TRAK2: variants seen among roughly 807,000 people sequenced by gnomAD.
The protein encoded by TRAK2 is trafficking kinesin protein 2.
Under a neutral mutation model 104.6 loss-of-function variants are expected in TRAK2, and 81 were observed. That is an observed-to-expected ratio of 0.77 (90% CI 0.65 to 0.93). TRAK2 has a LOEUF of 0.93. TRAK2 is among the 40% of genes least tolerant of loss of function. TRAK2 has a pLI of 0.00. For missense variants in TRAK2, 1,002 were observed against 1,089.0 expected, an observed-to-expected ratio of 0.92 and a Z score of 1.12; for synonymous variants, 406 against 394.4, an observed-to-expected ratio of 1.03 and a Z score of -0.35.
At chr2:201,430,719 C>A (rs1483770908) in intron 1 of TRAK2, among the ~76,000 whole-genome samples, 1 of 152,176 alleles carries the variant, frequency 6.6e-6, no homozygotes, top group African/African-American at 2.4e-5. Flanking sequence ...TTTCCAGGTA[C>A]CGTCTGTCAT....
At chr2:201,383,504 G>A (rs1576503110) in intron 15 of TRAK2, among the ~76,000 whole-genome samples, 1 of 152,104 alleles carries the variant, frequency 6.6e-6, no homozygotes, top group East Asian at 1.9e-4. Context: ...CTAATACTTG[G>A]GTGAACTTCC....
At chr2:201,384,608 G>A (rs1180563524) in intron 14 of TRAK2, among the ~76,000 whole-genome samples, 1 of 152,154 alleles carries the variant, frequency 6.6e-6, no homozygotes, top group Admixed American at 6.5e-5. Flanking sequence ...TAAGACAGAG[G>A]CCTTTTCTTT....
chr2:201,436,201 G>C (rs1026858985), intron 1 of TRAK2, among the ~76,000 whole-genome samples: 7 of 152,004 alleles, frequency 4.6e-5, no homozygotes, highest in Non-Finnish European at 1.0e-4. Context: ...AGAGTAAATG[G>C]CATCATAGAA....
At chr2:201,411,171 T>C in intron 2 of TRAK2, 1 of 745,716 alleles carries the variant, frequency 1.3e-6, no homozygotes, top group Non-Finnish European at 2.4e-6. Flanking sequence ...CATCAATGTG[T>C]CTGTCAAGTC....
chr2:201,450,785 T>C (rs1197927801), intron 1 of TRAK2, among the ~76,000 whole-genome samples: 1 of 152,182 alleles, frequency 6.6e-6, no homozygotes, highest in African/African-American at 2.4e-5. Flanking sequence ...CGCAGATTTT[T>C]TTTTAAGTTG....
Position 201,395,453 on chromosome 2 carries a change from C to T in TRAK2, c.770-9G>A. The T allele has an allele frequency of 4.7e-6, 7 of 1,497,916 alleles. No individual in the cohort carries two copies. The highest frequency in any genetic ancestry group is 6.3e-6 in the Non-Finnish European group (7 of 1,112,124). The allele number at this position is 1,497,916 out of a possible 1,614,324, so 92.8% of individuals were successfully genotyped here. On this transcript the variant is annotated splice_polypyrimidine_tract_variant and intron_variant, in intron 7 of 15. Coordinates refer to ENST00000332624, the MANE Select transcript of TRAK2 (RefSeq NM_015049.3). ...CTGAGCATTTGTTTCACCTTGGAAG[C>T]AAAAAAAATTTTTTTAAATTAATAC...
At chr2:201,434,583 TATAAAGA>T (rs1951868233) in intron 1 of TRAK2, among the ~76,000 whole-genome samples, 1 of 152,176 alleles carries the variant, frequency 6.6e-6, no homozygotes, top group East Asian at 1.9e-4. Context: ...TATAAGACCA[TATAAAGA>T]CTTTCTGTCC....
intron 1 of TRAK2, among the ~76,000 whole-genome samples, chr2:201,429,176 T>C (rs987895951): frequency 2.6e-5 from 4 of 152,264 alleles, no homozygotes; most frequent in African/African-American, 4.8e-5. Context: ...TCTTGCCTGA[T>C]TGCCCTAGCC....
intron 2 of TRAK2, among the ~76,000 whole-genome samples, chr2:201,417,882 C>T (rs1951707316): frequency 6.6e-6 from 1 of 151,970 alleles, no homozygotes; most frequent in Admixed American, 6.6e-5. Context: ...ATATGGTCAA[C>T]ATTAAAAAAA....
chr2:201,409,862 C>A (rs1478492984), intron 2 of TRAK2, among the ~76,000 whole-genome samples: 2 of 152,298 alleles, frequency 1.3e-5, no homozygotes, highest in South Asian at 2.1e-4. Flanking sequence ...AATAGATGAG[C>A]TTGCAATGAC....
chr2:201,379,538 A>G lies in TRAK2; in HGVS notation c.*1005T>C, dbSNP rs1360861127. ...GTCATCTTTCATTAAAAATATGCAT[A>G]GCGCACTTTGGAAAAAGTTGGTTTA... On this transcript the variant is annotated 3_prime_UTR_variant, in exon 16 of 16. Coordinates refer to ENST00000332624, the MANE Select transcript of TRAK2 (RefSeq NM_015049.3). 6.6e-6 allele frequency: 1 copy of G among 152,610 alleles called. No homozygotes were observed. Among genetic ancestry groups the G allele is most frequent in the African/African-American group, 2.4e-5 (1 of 41,440 alleles). 9.5% of individuals were successfully genotyped at this position (152,610 alleles called of 1,614,324 possible).
At chr2:201,390,978 C>CACAT (rs1951443144) in intron 10 of TRAK2, among the ~76,000 whole-genome samples, 1 of 151,634 alleles carries the variant, frequency 6.6e-6, no homozygotes, top group East Asian at 1.9e-4. Flanking sequence ...TGGATGAAAA[C>CACAT]ATATATATAC....
chr2:201,436,177 A>G (rs1050553104), intron 1 of TRAK2, among the ~76,000 whole-genome samples: 1 of 152,192 alleles, frequency 6.6e-6, no homozygotes, highest in Non-Finnish European at 1.5e-5. Context: ...TAGGTCTTCA[A>G]AAATGAGGAA....
chr2:201,439,456 C>G (rs1363414431), intron 1 of TRAK2, among the ~76,000 whole-genome samples: 3 of 151,608 alleles, frequency 2.0e-5, no homozygotes, highest in Non-Finnish European at 4.4e-5. Context: ...TGTTTTCCTC[C>G]TGAAGTTAAC....
At chr2:201,446,816 T>C (rs749784187) in intron 1 of TRAK2, among the ~76,000 whole-genome samples, 11 of 152,232 alleles carry the variant, frequency 7.2e-5, no homozygotes, top group Admixed American at 2.0e-4. Context: ...AAGATCACTT[T>C]TTAGAGTGGA....
rs1951521894 is a variant in TRAK2 at position 201,398,496 on chromosome 2, C to A, written c.481-142G>T. The A allele has an allele frequency of 4.3e-5, 32 of 735,800 alleles. No homozygotes were observed. The South Asian group carries it at 5.8e-4, about 13-fold the overall frequency. The allele number at this position is 735,800 out of a possible 1,614,324, so 45.6% of individuals were successfully genotyped here. On this transcript the variant is annotated intron_variant, in intron 5 of 15. Transcript: ENST00000332624. ...TGCTAGGTTTTACTGACTAACGCAA[C>A]AAGTACTAAAAAGAGAATAACAAAC...
chr2:201,388,593 CA>C (rs1390216921), intron 12 of TRAK2, among the ~76,000 whole-genome samples: 4 of 152,152 alleles, frequency 2.6e-5, no homozygotes, highest in Non-Finnish European at 4.4e-5. Context: ...TTGACTTCAA[CA>C]CTTTTGAAAC....
Position 201,427,246 on chromosome 2 carries a change from T to C in TRAK2, c.-199-6540A>G, listed in dbSNP as rs372938049. 9.8e-5 allele frequency among the ~76,000 whole-genome samples: 15 copies of C among 152,294 alleles called. No homozygotes were observed. The South Asian group carries it at 2.3e-3, about 23-fold the overall frequency. ...TGTGCAGGTTTGTTACATATGTATA[T>C]ATGTGCCATGTTGGTGTGCTGCACC... On this transcript the variant is annotated intron_variant, in intron 1 of 15. Transcript: ENST00000332624.
chr2:201,381,184 C>A lies in TRAK2; in HGVS notation c.2104G>T (p.Gly702Cys), dbSNP rs558396968. The A allele has an allele frequency of 6.2e-7, 1 of 1,612,022 alleles. No individual in the cohort carries two copies. The highest frequency in any genetic ancestry group is 1.3e-5 in the African/African-American group (1 of 74,312). ...ACAGCCGTGTTGGATGAACTGCTACCGCTACTTCCACAGGATAATGAAGGG... is the reference window on the plus strand; with the variant it reads ...ACAGCCGTGTTGGATGAACTGCTACAGCTACTTCCACAGGATAATGAAGGG... ...GFPSLSCGSSGSSSSNTAVNS... is the reference protein window; with the variant it reads ...GFPSLSCGSSCSSSSNTAVNS... Residue 702 changes from glycine to cysteine, a missense_variant, in exon 16 of 16, where the codon GGT becomes TGT. Gly to Cys is a radical substitution (Grantham distance 159). Coordinates refer to ENST00000332624, the MANE Select transcript of TRAK2 (RefSeq NM_015049.3).
Sources: gnomAD v4.1 joint callset for allele counts (sites outside exome capture counted in the v4.1 genomes callset) on GRCh38, gnomAD v4.1.1 for gene constraint, MANE v1.5 for transcripts, NCBI Gene and HGNC (gene_info 2026-07-23, HGNC 2026-07-21) for gene names.